ERC2: variants seen among roughly 807,000 people sequenced by gnomAD.
The protein encoded by ERC2 is ELKS/RAB6-interacting/CAST family member 2, also known as ERC protein 2.
ERC2 carries 42 observed loss-of-function variants against 114.8 expected under a neutral mutation model. That is an observed-to-expected ratio of 0.37 (90% CI 0.29 to 0.47). The LOEUF (loss-of-function observed/expected upper bound fraction) is 0.47, where lower values mean the gene tolerates loss of function less well. ERC2 is among the 20% of genes least tolerant of loss of function. The pLI is 0.99. For missense variants in ERC2, 939 were observed against 1,150.7 expected (o/e 0.82, Z 2.66); for synonymous variants, 454 against 425.5 (o/e 1.07, Z -0.82).
intron 17 of ERC2, among the ~76,000 whole-genome samples, chr3:55,566,831 T>C (rs890062464): frequency 6.6e-6 from 1 of 152,068 alleles, no homozygotes; most frequent in Non-Finnish European, 1.5e-5. Flanking sequence ...CCTGAGCAGT[T>C]AGGATTACAG....
chr3:55,630,518 C>CCTGA (rs2059709846), intron 17 of ERC2, among the ~76,000 whole-genome samples: 1 of 152,126 alleles, frequency 6.6e-6, no homozygotes, highest in Non-Finnish European at 1.5e-5. Flanking sequence ...CAAAGTAGAC[C>CCTGA]CTGACTGTGG....
intron 14 of ERC2, among the ~76,000 whole-genome samples, chr3:55,846,687 C>CTCTT (rs1553702570): frequency 2.4e-4 from 30 of 126,750 alleles, no homozygotes; most frequent in Non-Finnish European, 3.7e-4. Context: ...CTCTCTCTCT[C>CTCTT]TCTCTTTCTC....
intron 17 of ERC2, among the ~76,000 whole-genome samples, chr3:55,596,325 T>C (rs1270756620): frequency 2.6e-5 from 4 of 152,230 alleles, no homozygotes; most frequent in African/African-American, 9.6e-5. Flanking sequence ...CTCACATCTA[T>C]AATCCCAGCA....
At position 55,796,264 on chromosome 3, in the gene ERC2, A is replaced by G. The variant is rs117282609; in HGVS notation, c.2565-61346T>C. ...TGGCTTTGTTTGAGAAGAAAAGTGA[A>G]CTATTGGGCCTTCGGTGGACTGCAT... On this transcript the variant is annotated intron_variant, in intron 14 of 17. Transcript: ENST00000288221. Among the ~76,000 whole-genome samples, 63 of 151,408 alleles carry G rather than the reference A, an allele frequency of 4.2e-4. 1 individual carries two copies. In the East Asian group the frequency reaches 0.011, roughly 26 times the overall value.
At chr3:55,753,340 G>A (rs569831165) in intron 14 of ERC2, among the ~76,000 whole-genome samples, 9 of 152,228 alleles carry the variant, frequency 5.9e-5, no homozygotes, top group Non-Finnish European at 1.2e-4. Flanking sequence ...TTGACTTTAC[G>A]TATCTTAGCT....
intron 14 of ERC2, among the ~76,000 whole-genome samples, chr3:55,746,619 T>G (rs928936416): frequency 6.6e-6 from 1 of 152,094 alleles, no homozygotes; most frequent in East Asian, 1.9e-4. Context: ...TTTTAATTCA[T>G]GAGAAGGGAA....
At chr3:56,181,083 T>G (rs2083264225) in intron 3 of ERC2, among the ~76,000 whole-genome samples, 2 of 152,246 alleles carry the variant, frequency 1.3e-5, no homozygotes, top group Admixed American at 1.3e-4. Context: ...ATATTTATGT[T>G]TTCAAACTTT....
At chr3:56,383,367 T>C (rs1430633321) in intron 2 of ERC2, among the ~76,000 whole-genome samples, 2 of 152,186 alleles carry the variant, frequency 1.3e-5, no homozygotes, top group Non-Finnish European at 2.9e-5. Context: ...TCTAATCCTG[T>C]TTCAGACTTC....
At chr3:56,092,740 C>T in intron 6 of ERC2, among the ~76,000 whole-genome samples, 1 of 152,096 alleles carries the variant, frequency 6.6e-6, no homozygotes, top group South Asian at 2.1e-4. Context: ...AATCTTAGTA[C>T]CTCCTAACAT....
intron 3 of ERC2, among the ~76,000 whole-genome samples, chr3:56,177,786 T>G (rs188375214): frequency 3.9e-5 from 6 of 152,342 alleles, no homozygotes; most frequent in Admixed American, 3.9e-4. Context: ...AGGAGCTTTA[T>G]GAATTGGTTT....
intron 14 of ERC2, among the ~76,000 whole-genome samples, chr3:55,817,398 A>T (rs938385352): frequency 6.6e-6 from 1 of 152,150 alleles, no homozygotes; most frequent in African/African-American, 2.4e-5. Context: ...CTCAGCCTTG[A>T]CTTGTGCCAC....
chr3:55,913,040 T>C (rs1470130139), intron 13 of ERC2, among the ~76,000 whole-genome samples: 3 of 152,098 alleles, frequency 2.0e-5, no homozygotes, highest in Non-Finnish European at 4.4e-5. Flanking sequence ...GGCTGGAGTA[T>C]AATGGTGTGA....
At chr3:55,666,410 T>C (rs148955442) in intron 17 of ERC2, among the ~76,000 whole-genome samples, 31 of 152,316 alleles carry the variant, frequency 2.0e-4, no homozygotes, top group African/African-American at 5.8e-4. Flanking sequence ...TCCCTCCCTC[T>C]GTGAGAAAGC....
intron 2 of ERC2, among the ~76,000 whole-genome samples, chr3:56,404,990 G>A (rs966121716): frequency 4.6e-5 from 7 of 152,158 alleles, no homozygotes; most frequent in Non-Finnish European, 4.4e-5. Flanking sequence ...GGGTGGGAAG[G>A]TTTGGGAGAA....
chr3:56,333,150 T>C (rs764395400), intron 2 of ERC2, among the ~76,000 whole-genome samples: 1 of 152,234 alleles, frequency 6.6e-6, no homozygotes, highest in Non-Finnish European at 1.5e-5. Flanking sequence ...TCCATTAATG[T>C]CTTACATTTC....
intron 3 of ERC2, among the ~76,000 whole-genome samples, chr3:56,228,183 A>G (rs1266118277): frequency 6.6e-6 from 1 of 152,174 alleles, no homozygotes; most frequent in Admixed American, 6.5e-5. Flanking sequence ...AAATTTTTTT[A>G]TTCGTCATTT....
chr3:55,950,934 G>C (rs2067459399), intron 12 of ERC2, among the ~76,000 whole-genome samples: 1 of 152,208 alleles, frequency 6.6e-6, no homozygotes. Context: ...TGGAGTGGAA[G>C]GAGATGACTT....
intron 4 of ERC2, among the ~76,000 whole-genome samples, chr3:56,165,407 T>C (rs1002011053): frequency 6.6e-5 from 10 of 151,946 alleles, no homozygotes; most frequent in African/African-American, 2.4e-4. Context: ...GCCATGCTGG[T>C]GTGCTGCACC....
At chr3:56,460,964 C>CAAA (rs35313545) in intron 1 of ERC2, among the ~76,000 whole-genome samples, 12 of 98,186 alleles carry the variant, frequency 1.2e-4, no homozygotes, top group South Asian at 3.7e-4. Context: ...ACTAAAAATA[C>CAAA]AAAAAAAAAA....
Sources: allele counts gnomAD v4.1 joint callset (sites outside exome capture counted in the v4.1 genomes callset), GRCh38; gene constraint gnomAD v4.1.1; transcripts MANE v1.5; gene names NCBI Gene and HGNC (gene_info 2026-07-23, HGNC 2026-07-21).